The following SPATC1 variants were observed in gnomAD, a reference collection of about 807,000 sequenced individuals.
SPATC1 encodes speriolin.
In SPATC1, 35 loss-of-function variants were observed where a neutral mutation model predicts 36.5. The ratio of observed to expected loss-of-function variants is 0.96; its 90% CI spans 0.73 to 1.27. The LOEUF (loss-of-function observed/expected upper bound fraction) is 1.27, where lower values mean the gene tolerates loss of function less well. Among genes scored for constraint, SPATC1 ranks in the 50% most tolerant of loss-of-function variants. SPATC1 has a pLI of 0.00. For missense variants in SPATC1, 779 were observed against 796.0 expected, an observed-to-expected ratio of 0.98 and a Z score of 0.26; for synonymous variants, 361 against 353.6, an observed-to-expected ratio of 1.02 and a Z score of -0.24.
rs931306208 is a variant in SPATC1, at chr8:144,045,687, G to A, written c.1447-940G>A. 6.6e-6 allele frequency among the ~76,000 whole-genome samples: 1 copy of A among 152,252 alleles called. No individual in the cohort carries two copies. The highest frequency in any genetic ancestry group is 1.5e-5 in the Non-Finnish European group (1 of 68,038). On this transcript the variant is annotated intron_variant, in intron 4 of 4. Coordinates refer to ENST00000377470, the MANE Select transcript of SPATC1 (RefSeq NM_198572.3). This position sits in a 1 kb window ranked among gnomAD's most constrained non-coding sequence, Gnocchi z 5.2. ...CCGTGGCTCTGTGGGCCTGTGCAGA[G>A]AGCGGGCAGGGCCAAGCCTGGAGGC...
At chr8:144,023,809 T>TC (rs1587498355) in intron 1 of SPATC1, among the ~76,000 whole-genome samples, 55 of 332 alleles carry the variant, frequency 0.17, 27 homozygotes, top group Admixed American at 0.24. Flanking sequence ...TAGAACCCTG[T>TC]CCCTGTCCCC....
In SPATC1 at chr8:144,040,802, TCCTTGCCTCTGCCCCCGC is replaced by T; in HGVS notation, c.1009_1026del (p.Ser337_Ala342del). 1 of 1,139,722 alleles carries T rather than the reference TCCTTGCCTCTGCCCCCGC, an allele frequency of 8.8e-7. No homozygotes were observed. Among genetic ancestry groups the T allele is most frequent in the Non-Finnish European group, 1.1e-6 (1 of 901,058 alleles). The allele number at this position is 1,139,722 out of a possible 1,614,324, so 70.6% of individuals were successfully genotyped here. A position where few individuals can be genotyped will look rare whatever the true frequency, so the allele number is the denominator to read the frequency against. On this transcript the variant is annotated inframe_deletion, in exon 3 of 5. Coordinates refer to ENST00000377470, the MANE Select transcript of SPATC1 (RefSeq NM_198572.3). ...CCCACCACCTCCCCCACGGTCACCG[TCCTTGCCTCTGCCCCCGC>T]CCTTGCCCCCCAGGTTGCCACCAGC...
intron 1 of SPATC1, among the ~76,000 whole-genome samples, chr8:144,018,877 C>CAAAAAA (rs1165770098): frequency 6.2e-5 from 6 of 96,638 alleles, no homozygotes; most frequent in African/African-American, 2.1e-4. Context: ...ACTAAAAATA[C>CAAAAAA]AAAAAAAAAA....
At chr8:144,025,603 T>C (rs1339416377) in intron 1 of SPATC1, among the ~76,000 whole-genome samples, 1 of 152,154 alleles carries the variant, frequency 6.6e-6, no homozygotes, top group Non-Finnish European at 1.5e-5. Context: ...TGAAATCTCT[T>C]AAACACAAGC....
intron 1 of SPATC1, among the ~76,000 whole-genome samples, chr8:144,024,158 CAGGACCCTCTCCCGTT>C (rs1180538377): frequency 4.7e-5 from 3 of 63,340 alleles, no homozygotes; most frequent in East Asian, 4.4e-4. Context: ...CATCTTTCCC[CAGGACCCTCTCCCGTT>C]AGGACCCTCT....
chr8:144,041,593 C>T (rs185530967), intron 4 of SPATC1, among the ~76,000 whole-genome samples: 5 of 152,332 alleles, frequency 3.3e-5, no homozygotes, highest in African/African-American at 7.2e-5. Flanking sequence ...TCAGCATGGT[C>T]GGGCGGCTCT....
intron 1 of SPATC1, among the ~76,000 whole-genome samples, chr8:144,020,627 TC>T (rs1834497865): frequency 1.4e-5 from 2 of 143,726 alleles, no homozygotes; most frequent in South Asian, 2.3e-4. Context: ...TTCAGGACCC[TC>T]CTCCCTGAGT....
At chr8:144,020,557 G>T (rs1834491333) in intron 1 of SPATC1, among the ~76,000 whole-genome samples, 1 of 144,718 alleles carries the variant, frequency 6.9e-6, no homozygotes, top group African/African-American at 2.6e-5. Flanking sequence ...TCTTCCTTCA[G>T]TATCCTCTCC....
rs1554755841 is a variant in SPATC1 at position 144,040,878 on chromosome 8, G to A, written c.1077G>A (p.Gln359=). The A allele has an allele frequency of 3.2e-6, 5 of 1,558,420 alleles. No homozygotes were observed. The highest frequency in any genetic ancestry group is 3.5e-6 in the Non-Finnish European group (4 of 1,150,440). ...CCTCAAGCACCACCCACATCGCCCA[G>A]GGTGCCCCCCATCCCCCTTCCCGAA... ...YTPSSTTHIA[Q]GAPHPPSRMH... is the part of the protein sequence containing the mutation. Residue 359 remains glutamine (Q), a synonymous_variant, in exon 3 of 5, where the codon CAG becomes CAA. Transcript: ENST00000377470.
chr8:144,031,429 C>T (rs2133126531), intron 1 of SPATC1, among the ~76,000 whole-genome samples: 1 of 147,044 alleles, frequency 6.8e-6, no homozygotes, highest in East Asian at 2.0e-4. Flanking sequence ...TTCTCTCTTG[C>T]TGCTATCAAG....
intron 1 of SPATC1, among the ~76,000 whole-genome samples, chr8:144,026,360 G>A (rs1564271023): frequency 1.3e-5 from 2 of 152,210 alleles, no homozygotes; most frequent in Non-Finnish European, 1.5e-5. Flanking sequence ...ATTGGTTGGT[G>A]GCCATTTGGG....
chr8:144,040,049 A>G lies in SPATC1; in HGVS notation c.352A>G (p.Thr118Ala), dbSNP rs1554755419. ...ATPGSLMSPL[T>A]GTLSTLLSGP... Reference sequence around the variant, plus strand: ...ACCGGGCTCACTCATGAGCCCCCTGACAGGCACCCTCAGCACGCTGCTGTC... The same window carrying G: ...ACCGGGCTCACTCATGAGCCCCCTGGCAGGCACCCTCAGCACGCTGCTGTC... The change falls in exon 2 of 5, where the codon ACA (threonine) becomes GCA (alanine). Residue 118 changes from threonine (T) to alanine (A), a missense_variant. Transcript: ENST00000377470. The G allele has an allele frequency of 6.2e-7, 1 of 1,613,618 alleles. No homozygotes were observed. The highest frequency in any genetic ancestry group is 1.1e-5 in the South Asian group (1 of 91,078).
chr8:144,029,089 T>C (rs1834742855), intron 1 of SPATC1, among the ~76,000 whole-genome samples: 1 of 149,514 alleles, frequency 6.7e-6, no homozygotes. Context: ...GAAAAATAGC[T>C]AATGTATGCT....
upstream of SPATC1, among the ~76,000 whole-genome samples, chr8:144,011,716 A>G (rs574254374): frequency 1.4e-4 from 22 of 152,262 alleles, no homozygotes; most frequent in African/African-American, 5.1e-4. This position sits in a 1 kb window ranked among gnomAD's most constrained non-coding sequence, Gnocchi z 4.5. Context: ...AAAGTCAGGA[A>G]AATTCAAGGA....
intron 4 of SPATC1, among the ~76,000 whole-genome samples, chr8:144,043,615 A>T (rs1835174944): frequency 6.6e-6 from 1 of 150,782 alleles, no homozygotes; most frequent in African/African-American, 2.4e-5. Flanking sequence ...GGCTCAAGTG[A>T]TCCACCTGCC....
chr8:144,014,149 G>A (rs1214093733), intron 1 of SPATC1, among the ~76,000 whole-genome samples: 14 of 152,168 alleles, frequency 9.2e-5, no homozygotes, highest in African/African-American at 3.4e-4. Context: ...CCACTTGGGA[G>A]GCTGAGACAG....
intron 1 of SPATC1, among the ~76,000 whole-genome samples, chr8:144,030,885 G>A (rs1834779744): frequency 6.6e-6 from 1 of 151,842 alleles, no homozygotes; most frequent in East Asian, 1.9e-4. Flanking sequence ...AGCTTTAATA[G>A]TATGCAAAAT....
In SPATC1 at chr8:144,012,620, C is replaced by T. The variant is rs183779548; in HGVS notation, c.105C>T (p.His35=). ...TGGTGCGGCTCATTCGGGAGAATCACGAGCTCAAGTCAGCGATCAAGACTC... is the reference window on the plus strand; with the variant it reads ...TGGTGCGGCTCATTCGGGAGAATCATGAGCTCAAGTCAGCGATCAAGACTC... The part of the protein sequence containing the change: ...KKLVRLIREN[H]ELKSAIKTQA... Residue 35 remains histidine, a synonymous_variant, in exon 1 of 5, where the codon CAC becomes CAT. Transcript: ENST00000377470. The T allele has an allele frequency of 1.9e-5, 30 of 1,551,740 alleles. No homozygotes were observed. Among genetic ancestry groups the T allele is most frequent in the East Asian group, 4.9e-5 (2 of 40,922 alleles).
At chr8:144,038,620 G>T (rs572076033) in intron 1 of SPATC1, among the ~76,000 whole-genome samples, 17,882 of 151,862 alleles carry the variant, frequency 0.12, 3,011 homozygotes, top group African/African-American at 0.37. Flanking sequence ...GACTACAGGT[G>T]TGTGCCACCA....
Sources: gnomAD v4.1 joint callset for allele counts (sites outside exome capture counted in the v4.1 genomes callset) on GRCh38, gnomAD v4.1.1 for gene constraint, Gnocchi (gnomAD v3.1) non-coding constraint, MANE v1.5 for transcripts, NCBI Gene and HGNC (gene_info 2026-07-23, HGNC 2026-07-21) for gene names.